SLC13A3: variants seen among roughly 807,000 people sequenced by gnomAD.
SLC13A3 encodes the protein Na(+)/dicarboxylate cotransporter 3.
A neutral mutation model predicts 59.0 loss-of-function variants in SLC13A3; 40 were observed. The observed-to-expected ratio is 0.68, with a 90% CI of 0.53 to 0.88. SLC13A3 has a LOEUF of 0.88. Among genes scored for constraint, SLC13A3 ranks in the 40% least tolerant of loss-of-function variants. SLC13A3 has a pLI of 0.00. For missense variants in SLC13A3, 699 were observed against 783.2 expected (o/e 0.89, Z 1.28); for synonymous variants, 317 against 330.3 (o/e 0.96, Z 0.44).
intron 2 of SLC13A3, 57 bp downstream of exon 2, chr20:46,613,403 A>G (rs1600561062): frequency 1.4e-6 from 2 of 1,476,056 alleles, no homozygotes; most frequent in East Asian, 4.9e-5. Context: ...TATAGGCTCC[A>G]GAGGTGTGGT....
chr20:46,563,626 G>GAGAGAGAT, intron 11 of SLC13A3, 75 bp from the exon 12 acceptor site: 1 of 1,490,308 alleles, frequency 6.7e-7, no homozygotes, highest in Non-Finnish European at 9.1e-7. Flanking sequence ...GAGAGAGAGA[G>GAGAGAGAT]AGAGAGGCAG....
chr20:46,609,013 G>T, intron 3 of SLC13A3: 1 of 1,550,644 alleles, frequency 6.4e-7, no homozygotes, highest in Non-Finnish European at 8.7e-7. Context: ...AGGGGAGCTT[G>T]AAGTTTCAGC....
intron 8 of SLC13A3, chr20:46,584,642 G>T: frequency 3.1e-6 from 1 of 319,524 alleles, no homozygotes; most frequent in Non-Finnish European, 4.5e-6. Context: ...TTGAAAAGGA[G>T]AGTAAAACTG....
At chr20:46,632,906 T>C (rs112843387) in intron 1 of SLC13A3, among the ~76,000 whole-genome samples, 11,408 of 58,456 alleles carry the variant, frequency 0.2, 895 homozygotes, top group Middle Eastern at 0.31. Context: ...GATAGATAGA[T>C]AGATATATCT....
chr20:46,680,713 T>G (rs1464053560), intron 1 of SLC13A3, among the ~76,000 whole-genome samples: 2 of 152,248 alleles, frequency 1.3e-5, no homozygotes, highest in African/African-American at 4.8e-5. Flanking sequence ...CTGAAGCTGC[T>G]GCTGGGTCTC....
chr20:46,648,855 AG>A (rs1469407346), intron 1 of SLC13A3, among the ~76,000 whole-genome samples: 6 of 151,948 alleles, frequency 3.9e-5, no homozygotes, highest in African/African-American at 1.5e-4. Flanking sequence ...CAGTGAGCCA[AG>A]ATCGTGCCAC....
chr20:46,651,527 C>T, upstream of SLC13A3: 1 of 1,327,050 alleles, frequency 7.5e-7, no homozygotes, highest in Non-Finnish European at 9.6e-7. Context: ...CGCTGGGGAA[C>T]CCGCCCTCTC....
chr20:46,649,345 G>A (rs911453291), intron 1 of SLC13A3, among the ~76,000 whole-genome samples: 4 of 152,084 alleles, frequency 2.6e-5, no homozygotes, highest in East Asian at 1.9e-4. Context: ...GCCTCGTACC[G>A]AATCCTGTAT....
chr20:46,566,669 A>AC (rs758333649), intron 10 of SLC13A3, among the ~76,000 whole-genome samples: 5 of 151,954 alleles, frequency 3.3e-5, no homozygotes, highest in Non-Finnish European at 5.9e-5. Flanking sequence ...TGGTTCTAGC[A>AC]CCCCTAAGCA....
chr20:46,571,524 A>T (rs1258951567), intron 10 of SLC13A3, among the ~76,000 whole-genome samples: 1 of 152,174 alleles, frequency 6.6e-6, no homozygotes, highest in Non-Finnish European at 1.5e-5. Context: ...AGCAATTCTC[A>T]AAGCAGCCCA....
intron 9 of SLC13A3, among the ~76,000 whole-genome samples, chr20:46,581,440 C>T (rs1239883787): frequency 1.3e-5 from 2 of 152,190 alleles, no homozygotes; most frequent in African/African-American, 4.8e-5. Context: ...AACAGAGACC[C>T]ACTGGGCAAA....
chr20:46,621,004 A>C (rs1452025577), intron 1 of SLC13A3, among the ~76,000 whole-genome samples: 1 of 152,254 alleles, frequency 6.6e-6, no homozygotes, highest in Non-Finnish European at 1.5e-5. Context: ...GGCCATCAAG[A>C]GTTGGAAGTG....
At chr20:46,602,592 G>A (rs1307724717) in intron 3 of SLC13A3, among the ~76,000 whole-genome samples, 1 of 152,068 alleles carries the variant, frequency 6.6e-6, no homozygotes, top group African/African-American at 2.4e-5. Flanking sequence ...TCCCAGCGAG[G>A]GCCAATTCTG....
chr20:46,558,813 TC>T lies in SLC13A3; in HGVS notation c.*1208del, dbSNP rs1873113983. On this transcript the variant is annotated 3_prime_UTR_variant, in exon 13 of 13. Transcript: ENST00000279027. ...TCAGGGCCCCTGGGCTGGTGTCTTTTCCAATACTGGGCTAATGCTGGGCCAT... is the reference window on the plus strand; with the variant it reads ...TCAGGGCCCCTGGGCTGGTGTCTTTTCAATACTGGGCTAATGCTGGGCCAT... 1 of 152,070 alleles carries T rather than the reference TC, an allele frequency of 6.6e-6. No individual in the cohort carries two copies. The highest frequency in any genetic ancestry group is 1.5e-5 in the Non-Finnish European group (1 of 68,076). 9.4% of individuals were successfully genotyped at this position (152,070 alleles called of 1,614,324 possible). A position where few individuals can be genotyped will look rare whatever the true frequency, so the allele number is the denominator to read the frequency against.
chr20:46,568,940 T>G (rs2146086278), intron 10 of SLC13A3, among the ~76,000 whole-genome samples: 1 of 152,320 alleles, frequency 6.6e-6, no homozygotes, highest in African/African-American at 2.4e-5. Flanking sequence ...TGCGTAGGGT[T>G]CTACTGGGGA....
chr20:46,575,770 G>A, intron 9 of SLC13A3, 85 bp from the exon 10 acceptor site: 2 of 727,656 alleles, frequency 2.7e-6, no homozygotes, highest in South Asian at 5.0e-5. Context: ...ATCTTACCGG[G>A]GACACTCAGG....
chr20:46,641,213 T>A (rs1214656239), intron 1 of SLC13A3, among the ~76,000 whole-genome samples: 2 of 152,184 alleles, frequency 1.3e-5, no homozygotes, highest in East Asian at 1.9e-4. Flanking sequence ...GGAAGCAGTC[T>A]GGGGTTTTAG....
intron 9 of SLC13A3, among the ~76,000 whole-genome samples, chr20:46,578,692 A>T (rs1165346247): frequency 6.6e-6 from 1 of 152,096 alleles, no homozygotes. Context: ...TAAATAAATA[A>T]TGCCAAGAAA....
chr20:46,618,775 T>A (rs1242237260), intron 1 of SLC13A3, among the ~76,000 whole-genome samples: 3 of 152,198 alleles, frequency 2.0e-5, no homozygotes, highest in Non-Finnish European at 4.4e-5. Flanking sequence ...GTAGCCCAAA[T>A]GGACTAAGAC....
Sources: allele counts gnomAD v4.1 joint callset (sites outside exome capture counted in the v4.1 genomes callset), GRCh38; gene constraint gnomAD v4.1.1; transcripts MANE v1.5; gene names NCBI Gene and HGNC (gene_info 2026-07-23, HGNC 2026-07-21).